The following SLC35F5 variants were observed in gnomAD, a reference collection of about 807,000 sequenced individuals.
The protein encoded by SLC35F5 is solute carrier family 35 member F5.
A neutral mutation model predicts 68.6 loss-of-function variants in SLC35F5; 54 were observed. The observed-to-expected ratio is 0.79, with a 90% CI of 0.63 to 0.99. The LOEUF (loss-of-function observed/expected upper bound fraction) is 0.99, where lower values mean the gene tolerates loss of function less well. Among genes scored for constraint, SLC35F5 ranks in the 50% least tolerant of loss-of-function variants. The pLI is 0.00. For synonymous variants in SLC35F5, 211 were observed against 205.2 expected, an observed-to-expected ratio of 1.03 and a Z score of -0.24; for missense variants, 567 against 626.9, an observed-to-expected ratio of 0.90 and a Z score of 1.02.
intron 1 of SLC35F5, 124 bp from the exon 2 acceptor site, chr2:113,755,668 A>T: frequency 1.8e-6 from 2 of 1,087,374 alleles, no homozygotes; most frequent in Non-Finnish European, 1.4e-6. Flanking sequence ...AAAATGTGTT[A>T]AACATACTTG....
At chr2:113,730,981 T>A (rs1280396069) in intron 10 of SLC35F5, among the ~76,000 whole-genome samples, 1 of 152,166 alleles carries the variant, frequency 6.6e-6, no homozygotes, top group Non-Finnish European at 1.5e-5. Flanking sequence ...CACCTTAAAA[T>A]TAACATTACC....
At chr2:113,729,167 T>C (rs770748675) in intron 11 of SLC35F5, among the ~76,000 whole-genome samples, 34 of 152,154 alleles carry the variant, frequency 2.2e-4, no homozygotes, top group Admixed American at 6.5e-5. Flanking sequence ...TTGAAAAAAG[T>C]GTTAGGAGTT....
chr2:113,711,346 A>C lies in SLC35F5; in HGVS notation c.*3872T>G, dbSNP rs2104952677. On this transcript the variant is annotated 3_prime_UTR_variant, in exon 16 of 16. Coordinates refer to ENST00000245680, the MANE Select transcript of SLC35F5 (RefSeq NM_025181.5). Reference sequence around the variant, plus strand: ...TAGTTAACGTATACTGAATACAGAAAATTTTGTAGGAAAACACTATTTTTT... The same window carrying C: ...TAGTTAACGTATACTGAATACAGAACATTTTGTAGGAAAACACTATTTTTT... Among the ~76,000 whole-genome samples, 1 of 152,332 alleles carries C rather than the reference A, an allele frequency of 6.6e-6. No individual in the cohort carries two copies. The highest frequency in any genetic ancestry group is 1.5e-5 in the Non-Finnish European group (1 of 68,032).
intron 3 of SLC35F5, among the ~76,000 whole-genome samples, chr2:113,753,171 T>TTC (rs1676822841): frequency 9.7e-6 from 1 of 103,494 alleles, no homozygotes; most frequent in Non-Finnish European, 2.1e-5. Flanking sequence ...TGTTTTTCTT[T>TTC]TTTTTTTTTT....
chr2:113,721,338 T>C (rs2104981779), intron 13 of SLC35F5: 1 of 152,852 alleles, frequency 6.5e-6, no homozygotes, highest in Admixed American at 6.5e-5. Flanking sequence ...AAATCTTTTC[T>C]TGATTGTCTT....
At position 113,710,500 on chromosome 2, in the gene SLC35F5, C is replaced by T. The variant is rs540814159; in HGVS notation, c.*4718G>A. Among the ~76,000 whole-genome samples the T allele has an allele frequency of 6.6e-5, 10 of 152,198 alleles. No homozygotes were observed. Among genetic ancestry groups the T allele is most frequent in the South Asian group, 2.1e-4 (1 of 4,828 alleles). On this transcript the variant is annotated 3_prime_UTR_variant, in exon 16 of 16. Coordinates refer to ENST00000245680, the MANE Select transcript of SLC35F5 (RefSeq NM_025181.5). ...ATCCCAGCACTTTGGGAGGCCAGGG[C>T]GGGCAGATTACTTGAGCTCAGGAGT... is the stretch of plus-strand genomic sequence containing the variant.
At chr2:113,720,213 C>G (rs1687374940) in intron 13 of SLC35F5, among the ~76,000 whole-genome samples, 1 of 151,320 alleles carries the variant, frequency 6.6e-6, no homozygotes, top group South Asian at 2.1e-4. Context: ...CACTGATCAA[C>G]CACTGAGACT....
At chr2:113,728,781 T>C (rs543053926) in intron 11 of SLC35F5, among the ~76,000 whole-genome samples, 15 of 152,376 alleles carry the variant, frequency 9.8e-5, no homozygotes, top group Admixed American at 1.3e-4. Context: ...ATCTTGTCAA[T>C]GTGTTCTTCT....
intron 3 of SLC35F5, among the ~76,000 whole-genome samples, chr2:113,753,596 G>C (rs930108703): frequency 2.0e-5 from 3 of 152,094 alleles, no homozygotes; most frequent in Non-Finnish European, 4.4e-5. Flanking sequence ...AAAAATTAAG[G>C]TAAGTTGAGT....
chr2:113,717,867 G>A lies in SLC35F5; in HGVS notation c.1497-17C>T. The A allele has an allele frequency of 6.6e-7, 1 of 1,526,150 alleles. No individual in the cohort carries two copies. The highest frequency in any genetic ancestry group is 9.0e-7 in the Non-Finnish European group (1 of 1,109,838). 94.5% of individuals were successfully genotyped at this position (1,526,150 alleles called of 1,614,324 possible). On this transcript the variant is annotated splice_polypyrimidine_tract_variant and intron_variant, in intron 14 of 15. Coordinates refer to ENST00000245680, the MANE Select transcript of SLC35F5 (RefSeq NM_025181.5). Reference sequence around the variant, plus strand: ...TCTGGAACTCTTAAGAAAAAAAAAAGCAGTAATTAAGGAAAGCTTTAGAGC... The same window carrying A: ...TCTGGAACTCTTAAGAAAAAAAAAAACAGTAATTAAGGAAAGCTTTAGAGC...
rs545485723 is a variant in SLC35F5, at chr2:113,743,949, C to T, written c.481-155G>A. Reference sequence around the variant, plus strand: ...AATTTTCAAGACTTAAAAAAGGAAACTCAACAGATCCATACAGCTACAATG... The same window carrying T: ...AATTTTCAAGACTTAAAAAAGGAAATTCAACAGATCCATACAGCTACAATG... On this transcript the variant is annotated intron_variant, in intron 5 of 15. Transcript: ENST00000245680. 8.0e-6 allele frequency: 4 copies of T among 501,762 alleles called. No individual in the cohort carries two copies. The Admixed American group carries it at 1.4e-4, about 18-fold the overall frequency. The allele number at this position is 501,762 out of a possible 1,614,324, so 31.1% of individuals were successfully genotyped here.
At chr2:113,703,307 T>C (rs1022848240), downstream of SLC35F5, among the ~76,000 whole-genome samples, 2 of 152,150 alleles carry the variant, frequency 1.3e-5, no homozygotes, top group African/African-American at 2.4e-5. Context: ...ACCCCTATTG[T>C]TACAGTCCAT....
chr2:113,748,776 C>T (rs1362594206), intron 4 of SLC35F5, among the ~76,000 whole-genome samples: 1 of 152,122 alleles, frequency 6.6e-6, no homozygotes, highest in Non-Finnish European at 1.5e-5. Flanking sequence ...TTGCAGGCTT[C>T]ACCTACATTT....
intron 11 of SLC35F5, among the ~76,000 whole-genome samples, chr2:113,727,207 C>T (rs929545291): frequency 6.6e-6 from 1 of 152,138 alleles, no homozygotes. Context: ...CTTCACCTTA[C>T]GTCATGATTG....
At position 113,708,887 on chromosome 2, in the gene SLC35F5, C is replaced by T. The variant is rs1251686617; in HGVS notation, c.*6331G>A. 6.6e-6 allele frequency among the ~76,000 whole-genome samples: 1 copy of T among 152,122 alleles called. No individual in the cohort carries two copies. Among genetic ancestry groups the T allele is most frequent in the Non-Finnish European group, 1.5e-5 (1 of 68,016 alleles). ...CATGCATTAGGTAACCAGGGGGCAA[C>T]AGAGTAGGGACTAATAAGGCCAGCA... On this transcript the variant is annotated 3_prime_UTR_variant, in exon 16 of 16. Coordinates refer to ENST00000245680, the MANE Select transcript of SLC35F5 (RefSeq NM_025181.5).
At chr2:113,748,168 TTTTTA>T (rs1476956374) in intron 4 of SLC35F5, among the ~76,000 whole-genome samples, 2 of 152,140 alleles carry the variant, frequency 1.3e-5, no homozygotes, top group African/African-American at 2.4e-5. Flanking sequence ...TCCATTTTCA[TTTTTA>T]TTTTATTTTT....
intron 12 of SLC35F5, among the ~76,000 whole-genome samples, chr2:113,724,240 T>C (rs1316707281): frequency 1.3e-5 from 2 of 152,210 alleles, no homozygotes; most frequent in African/African-American, 4.8e-5. Flanking sequence ...CAGAGTACTA[T>C]AATAAAAAAC....
At chr2:113,722,317 T>C (rs1489320090) in intron 13 of SLC35F5, among the ~76,000 whole-genome samples, 1 of 152,178 alleles carries the variant, frequency 6.6e-6, no homozygotes, top group East Asian at 1.9e-4. Context: ...TTATTGCTTG[T>C]ACACATTATA....
At chr2:113,722,123 C>T (rs1028680565) in intron 13 of SLC35F5, among the ~76,000 whole-genome samples, 7 of 151,440 alleles carry the variant, frequency 4.6e-5, no homozygotes, top group African/African-American at 1.7e-4. Flanking sequence ...TACAGGTGCA[C>T]GCCATCACAC....
Sources: allele counts gnomAD v4.1 joint callset (sites outside exome capture counted in the v4.1 genomes callset), GRCh38; gene constraint gnomAD v4.1.1; transcripts MANE v1.5; gene names NCBI Gene and HGNC (gene_info 2026-07-23, HGNC 2026-07-21).